Variants in RALGAPA2 observed in about 807,000 individuals in gnomAD.
RALGAPA2 encodes Ral GTPase activating protein catalytic subunit alpha 2.
A neutral mutation model predicts 230.4 loss-of-function variants in RALGAPA2; 139 were observed. The observed-to-expected ratio is 0.60, with a 90% CI of 0.53 to 0.69. The LOEUF (loss-of-function observed/expected upper bound fraction) is 0.69. Ranked by LOEUF, RALGAPA2 falls within the 30% of genes least tolerant of loss-of-function variation. The pLI is 0.00. For synonymous variants in RALGAPA2, 847 were observed against 837.8 expected, an observed-to-expected ratio of 1.01 and a Z score of -0.19; for missense variants, 2,163 against 2,276.0, an observed-to-expected ratio of 0.95 and a Z score of 1.01.
At chr20:20,543,211 G>GTT (rs948410002) in intron 24 of RALGAPA2, among the ~76,000 whole-genome samples, 1 of 151,490 alleles carries the variant, frequency 6.6e-6, no homozygotes, top group South Asian at 2.1e-4. Flanking sequence ...CACCCAGCTA[G>GTT]TTTTTTTTTA....
Position 20,623,716 on chromosome 20 carries a change from G to A in RALGAPA2, c.1234-3086C>T, listed in dbSNP as rs139199654. ...CATCCAGCTCATTCTCTCCTTAGCT[G>A]CATCTAATCTACAATTAAACTTATC... On this transcript the variant is annotated intron_variant, in intron 10 of 39. Transcript: ENST00000202677. 1.1e-3 allele frequency among the ~76,000 whole-genome samples: 171 copies of A among 152,020 alleles called. 1 individual carries two copies. The highest frequency in any genetic ancestry group is 3.8e-3 in the African/African-American group (156 of 41,498).
At chr20:20,592,339 T>C (rs1460094841) in intron 16 of RALGAPA2, among the ~76,000 whole-genome samples, 1 of 152,188 alleles carries the variant, frequency 6.6e-6, no homozygotes, top group Non-Finnish European at 1.5e-5. Context: ...TGCAAGGTAC[T>C]CTAGCTCACT....
chr20:20,394,144 A>G (rs2059656327), intron 39 of RALGAPA2, among the ~76,000 whole-genome samples: 1 of 152,166 alleles, frequency 6.6e-6, no homozygotes, highest in African/African-American at 2.4e-5. Context: ...TTTGAAATTA[A>G]TTTAAGTCAG....
In RALGAPA2 at chr20:20,546,796, G is replaced by T. The variant is rs1013025602; in HGVS notation, c.3193C>A (p.Arg1065Ser). 1.2e-6 allele frequency: 2 copies of T among 1,610,068 alleles called. No individual in the cohort carries two copies. The highest frequency in any genetic ancestry group is 1.1e-5 in the South Asian group (1 of 90,434). Residue 1065 changes from arginine to serine, a missense_variant, in exon 24 of 40, where the codon CGC becomes AGC. By Grantham distance (110) the Arg-to-Ser change is moderately radical. Coordinates refer to ENST00000202677, the MANE Select transcript of RALGAPA2 (RefSeq NM_020343.4). ...CCAGGAAAACCCAGGGAGAAAAAGC[G>T]GGGTGGACAGTGCCTTATGATCGTA... The part of the protein sequence containing the change: ...LNTIIRHCPP[R>S]FFSLGFPGFS...
chr20:20,531,883 T>A, intron 26 of RALGAPA2, 88 bp from the exon 27 acceptor site: 1 of 1,040,296 alleles, frequency 9.6e-7, no homozygotes, highest in Non-Finnish European at 1.4e-6. Context: ...ACTTTAAATC[T>A]ATTTATACAA....
At chr20:20,510,750 A>T (rs1373562896) in intron 33 of RALGAPA2, among the ~76,000 whole-genome samples, 1 of 152,210 alleles carries the variant, frequency 6.6e-6, no homozygotes, top group Non-Finnish European at 1.5e-5. Context: ...GAGTCTGGCC[A>T]GCTTTGGAGA....
intron 37 of RALGAPA2, among the ~76,000 whole-genome samples, chr20:20,421,925 C>T (rs1377398332): frequency 6.6e-6 from 1 of 152,110 alleles, no homozygotes; most frequent in Non-Finnish European, 1.5e-5. Flanking sequence ...TGTAATATAA[C>T]ATATAATAAA....
chr20:20,547,414 A>G (rs779885981), intron 23 of RALGAPA2, among the ~76,000 whole-genome samples: 1 of 152,256 alleles, frequency 6.6e-6, no homozygotes, highest in Non-Finnish European at 1.5e-5. Context: ...AAAGTGCAAC[A>G]GTAGCCTTTT....
At position 20,472,855 on chromosome 20, in the gene RALGAPA2, C is replaced by T. The variant is rs1157543602; in HGVS notation, c.5469G>A (p.Lys1823=). Residue 1823 remains lysine (K), a synonymous_variant, in exon 37 of 40, where the codon AAG becomes AAA. Transcript: ENST00000202677. ...ATCINASRAV[K]CLIPLYQSFY... is the part of the protein sequence containing the mutation. ...AGCTCTGGTAGAGTGGGATGAGGCA[C>T]TTCACAGCCCTGCTGGCGTTGATGC... is the stretch of plus-strand genomic sequence containing the variant. 3.7e-6 allele frequency: 6 copies of T among 1,613,380 alleles called. No homozygotes were observed. The highest frequency in any genetic ancestry group is 5.1e-6 in the Non-Finnish European group (6 of 1,179,648).
chr20:20,404,401 A>G (rs2059906560), intron 38 of RALGAPA2, among the ~76,000 whole-genome samples: 1 of 152,166 alleles, frequency 6.6e-6, no homozygotes, highest in Admixed American at 6.5e-5. Flanking sequence ...CAGAAGACTT[A>G]ACTGCGAATA....
chr20:20,519,277 T>C (rs2062966136), intron 31 of RALGAPA2, among the ~76,000 whole-genome samples: 1 of 152,226 alleles, frequency 6.6e-6, no homozygotes, highest in Non-Finnish European at 1.5e-5. Flanking sequence ...CTGCTAGATT[T>C]TAAGCCCTTG....
intron 37 of RALGAPA2, among the ~76,000 whole-genome samples, chr20:20,453,372 A>G (rs1309485015): frequency 6.6e-6 from 1 of 152,104 alleles, no homozygotes; most frequent in Non-Finnish European, 1.5e-5. Context: ...TGGCAGACAC[A>G]GTGAGATGAG....
chr20:20,632,786 C>T (rs549919964), intron 9 of RALGAPA2, among the ~76,000 whole-genome samples: 35 of 152,262 alleles, frequency 2.3e-4, no homozygotes, highest in African/African-American at 8.4e-4. Context: ...CTATGAGCTG[C>T]CCTTTCATCT....
chr20:20,654,996 T>A (rs1288959384), intron 3 of RALGAPA2, among the ~76,000 whole-genome samples: 7 of 152,244 alleles, frequency 4.6e-5, no homozygotes, highest in Non-Finnish European at 1.0e-4. Context: ...TGATGATTAG[T>A]GATGTCAAAC....
chr20:20,648,161 G>A (rs558699445), intron 4 of RALGAPA2, among the ~76,000 whole-genome samples: 1 of 152,288 alleles, frequency 6.6e-6, no homozygotes, highest in East Asian at 1.9e-4. Flanking sequence ...TCAGAAATTA[G>A]AAGGAATGAA....
rs6046896 is a variant in RALGAPA2, at chr20:20,479,028, A to G, written c.5368-6072T>C. Among the ~76,000 whole-genome samples, 313 of 152,308 alleles carry G rather than the reference A, an allele frequency of 2.1e-3. 1 individual carries two copies. The highest frequency in any genetic ancestry group is 7.0e-3 in the African/African-American group (293 of 41,586). On this transcript the variant is annotated intron_variant, in intron 36 of 39. Coordinates refer to ENST00000202677, the MANE Select transcript of RALGAPA2 (RefSeq NM_020343.4). ...ACGTAGCTTTATGCCTATAAATTTG[A>G]AAGTTTAGATGAAATGGCCAAATGA...
chr20:20,573,102 A>G (rs777437162), intron 20 of RALGAPA2, 34 bp from the exon 21 acceptor site: 11 of 1,515,748 alleles, frequency 7.3e-6, no homozygotes, highest in Non-Finnish European at 9.8e-6. Context: ...AACCCTGTAA[A>G]CAATCTTGAT....
In RALGAPA2 at chr20:20,393,007, G is replaced by A; in HGVS notation, c.*282C>T. 1 of 1,160,742 alleles carries A rather than the reference G, an allele frequency of 8.6e-7. No homozygotes were observed. Among genetic ancestry groups the A allele is most frequent in the Non-Finnish European group, 1.1e-6 (1 of 874,768 alleles). The allele number at this position is 1,160,742 out of a possible 1,614,324, so 71.9% of individuals were successfully genotyped here. On this transcript the variant is annotated 3_prime_UTR_variant, in exon 40 of 40. Coordinates refer to ENST00000202677, the MANE Select transcript of RALGAPA2 (RefSeq NM_020343.4). ...TTTCTTTTCTTCTTTGGAAGTCCAA[G>A]GTTTGTGAGGTTTCAGGACAAGATG... is the stretch of plus-strand genomic sequence containing the variant.
chr20:20,486,867 T>A (rs2061925810), intron 36 of RALGAPA2, among the ~76,000 whole-genome samples: 1 of 152,222 alleles, frequency 6.6e-6, no homozygotes, highest in Non-Finnish European at 1.5e-5. Flanking sequence ...CATGAGCCCA[T>A]CCGGCATTCT....
Sources: gnomAD v4.1 joint callset for allele counts (sites outside exome capture counted in the v4.1 genomes callset) on GRCh38, gnomAD v4.1.1 for gene constraint, MANE v1.5 for transcripts, NCBI Gene and HGNC (gene_info 2026-07-23, HGNC 2026-07-21) for gene names.